The following NUDC variants were observed in gnomAD, a reference collection of about 807,000 sequenced individuals.
NUDC encodes the protein nuclear distribution C, dynein complex regulator.
In NUDC, 14 loss-of-function variants were observed where a neutral mutation model predicts 45.0. The ratio of observed to expected loss-of-function variants is 0.31; its 90% CI spans 0.21 to 0.49. The LOEUF is 0.49. Ranked by LOEUF, NUDC falls within the 20% of genes least tolerant of loss-of-function variation. The probability of loss-of-function intolerance (pLI) is 0.99; values close to 1 mark genes in which losing one functional copy is unlikely to be tolerated. For synonymous variants in NUDC, 153 were observed against 156.7 expected (o/e 0.98, Z 0.17); for missense variants, 323 against 426.2 (o/e 0.76, Z 2.13).
chr1:26,927,033 T>C (rs1557673357), intron 2 of NUDC, among the ~76,000 whole-genome samples: 3 of 151,754 alleles, frequency 2.0e-5, no homozygotes, highest in African/African-American at 7.3e-5. Context: ...GTAGCCAAAA[T>C]AAAAAAAACA....
intron 2 of NUDC, among the ~76,000 whole-genome samples, chr1:26,903,112 A>G (rs1354873642): frequency 6.6e-6 from 1 of 152,010 alleles, no homozygotes; most frequent in Non-Finnish European, 1.5e-5. Flanking sequence ...TTTTTATTTC[A>G]CAGTATATAT....
chr1:26,913,919 C>T (rs368544283), intron 3 of NUDC: 4 of 1,480,062 alleles, frequency 2.7e-6, no homozygotes, highest in South Asian at 1.6e-5. Context: ...CATGGGCAGG[C>T]CCCTGGTTGG....
At chr1:26,933,045 G>C (rs2082196252) in intron 2 of NUDC, among the ~76,000 whole-genome samples, 1 of 151,710 alleles carries the variant, frequency 6.6e-6, no homozygotes, top group South Asian at 2.1e-4. Flanking sequence ...TTGGCTCACT[G>C]CAACCTCAGC....
At chr1:26,929,694 T>A (rs748380052) in intron 2 of NUDC, 1 of 445,628 alleles carries the variant, frequency 2.2e-6, no homozygotes, top group Admixed American at 2.3e-5. Flanking sequence ...GAGTAAATAT[T>A]ATGTGACTAT....
rs957514841 is a variant in NUDC, at chr1:26,942,803, C to T, written c.546+27C>T. On this transcript the variant is annotated intron_variant, in intron 5 of 8. Coordinates refer to ENST00000321265, the MANE Select transcript of NUDC (RefSeq NM_006600.4). ...TGAGTGTCAGGGACCAGAGGTAAAG[C>T]TTAGGGGGCCAGCCTGGGGTACCAG... 9.3e-6 allele frequency: 15 copies of T among 1,614,044 alleles called. No homozygotes were observed. The Admixed American group carries it at 1.3e-4, about 14-fold the overall frequency.
At chr1:26,905,137 CTATTATTAT>C (rs1298871467) in intron 2 of NUDC, among the ~76,000 whole-genome samples, 5 of 123,738 alleles carry the variant, frequency 4.0e-5, no homozygotes, top group East Asian at 2.4e-4. Context: ...TGAGCCTGGC[CTATTATTAT>C]TATTATTATT....
intron 2 of NUDC, among the ~76,000 whole-genome samples, chr1:26,904,696 C>T (rs550525864): frequency 2.0e-5 from 3 of 152,270 alleles, no homozygotes; most frequent in South Asian, 4.1e-4. Flanking sequence ...ACTGTGTAAC[C>T]TCGAGCACTT....
chr1:26,906,773 C>T (rs373526855), intron 2 of NUDC, among the ~76,000 whole-genome samples: 43 of 151,904 alleles, frequency 2.8e-4, no homozygotes, highest in African/African-American at 1.0e-3. Context: ...GGTGTGAACC[C>T]GGGAAGTGGA....
At chr1:26,923,431 C>G (rs1231605800) in intron 1 of NUDC, among the ~76,000 whole-genome samples, 1 of 152,194 alleles carries the variant, frequency 6.6e-6, no homozygotes, top group Non-Finnish European at 1.5e-5. Flanking sequence ...TTTGAAGTGG[C>G]TTCATTTGCT....
chr1:26,906,008 G>A (rs965283831), intron 2 of NUDC, among the ~76,000 whole-genome samples: 6 of 152,158 alleles, frequency 3.9e-5, no homozygotes, highest in African/African-American at 1.4e-4. Context: ...AAGGCCGAGC[G>A]CAGTGGCTCA....
intron 2 of NUDC, among the ~76,000 whole-genome samples, chr1:26,924,802 C>A (rs1326836291): frequency 2.6e-5 from 4 of 152,026 alleles, no homozygotes; most frequent in Non-Finnish European, 5.9e-5. Context: ...CCACCCGCCT[C>A]GGCCTCCCAA....
chr1:26,921,915 G>A lies in NUDC; in HGVS notation c.67G>A (p.Gly23Ser). Reference sequence around the variant, plus strand: ...GCTGGCCATGGCTCAGCAGCACGAGGGCGGCGTGCAGGAGGTAACGGCCCG... The same window carrying A: ...GCTGGCCATGGCTCAGCAGCACGAGAGCGGCGTGCAGGAGGTAACGGCCCG... ...MLLAMAQQHE[G>S]GVQELVNTFF... Residue 23 changes from glycine (G) to serine (S), a missense_variant, in exon 1 of 9, where the codon GGC becomes AGC. Physicochemically the swap from Gly to Ser is moderately conservative, Grantham distance 56. Coordinates refer to ENST00000321265, the MANE Select transcript of NUDC (RefSeq NM_006600.4). 1.9e-6 allele frequency: 3 copies of A among 1,552,920 alleles called. No individual in the cohort carries two copies. The highest frequency in any genetic ancestry group is 2.6e-6 in the Non-Finnish European group (3 of 1,147,862).
At chr1:26,905,657 CAG>C (rs976823620) in intron 2 of NUDC, among the ~76,000 whole-genome samples, 3 of 152,262 alleles carry the variant, frequency 2.0e-5, no homozygotes, top group South Asian at 2.1e-4. Context: ...CTCTGGTAAT[CAG>C]GGGTAATTTT....
intron 2 of NUDC, among the ~76,000 whole-genome samples, chr1:26,925,538 CAAAAAAAAAAAA>C (rs71010305): frequency 6.9e-5 from 3 of 43,360 alleles, no homozygotes; most frequent in South Asian, 8.6e-4. Context: ...GACTCCGTCT[CAAAAAAAAAAAA>C]AAAAAAAAAA....
chr1:26,906,888 T>C (rs2124055047), intron 2 of NUDC, among the ~76,000 whole-genome samples: 1 of 152,054 alleles, frequency 6.6e-6, no homozygotes, highest in East Asian at 1.9e-4. Context: ...AATAAATAAA[T>C]GTTAATGTGG....
At chr1:26,900,483 G>C in intron 1 of NUDC, 1 of 1,525,028 alleles carries the variant, frequency 6.6e-7, no homozygotes, top group Non-Finnish European at 9.0e-7. Context: ...AGTCTCGCGA[G>C]AACACCGCGA....
chr1:26,919,883 C>T (rs557261646), upstream of NUDC, among the ~76,000 whole-genome samples: 18 of 152,226 alleles, frequency 1.2e-4, no homozygotes, highest in South Asian at 4.1e-4. Flanking sequence ...ATGTATTTGA[C>T]GCTATGAAGA....
In NUDC at chr1:26,943,025, T is replaced by C; in HGVS notation, c.701T>C (p.Leu234Pro). The change falls in exon 6 of 9, where the codon CTC (leucine) becomes CCC (proline). Residue 234 changes from leucine (L) to proline (P), a missense_variant. Leu to Pro is a moderately conservative substitution (Grantham distance 98, BLOSUM62 -3). Around this residue, in one of 3 missense-constraint regions of NUDC, gnomAD observed 245 missense variants for 278.8 expected, o/e 0.88. Coordinates refer to ENST00000321265, the MANE Select transcript of NUDC (RefSeq NM_006600.4). Reference sequence around the variant, plus strand: ...GTGAAGGTGGAGGAGAGCTCGTGGCTCATTGAGGACGGCAAGGTGGTGACT... The same window carrying C: ...GTGAAGGTGGAGGAGAGCTCGTGGCCCATTGAGGACGGCAAGGTGGTGACT... ...NEVKVEESSW[L>P]IEDGKVVTVH... 6.2e-7 allele frequency: 1 copy of C among 1,614,132 alleles called. No homozygotes were observed.
intron 2 of NUDC, among the ~76,000 whole-genome samples, chr1:26,937,564 T>A (rs992327347): frequency 4.6e-5 from 7 of 151,938 alleles, no homozygotes; most frequent in African/African-American, 1.7e-4. Flanking sequence ...ATTACCGGTA[T>A]GAGCCACTGT....
Sources: gnomAD v4.1 joint callset for allele counts (sites outside exome capture counted in the v4.1 genomes callset) on GRCh38, gnomAD v4.1.1 for gene constraint, gnomAD v4.1.1 regional missense constraint, MANE v1.5 for transcripts, NCBI Gene and HGNC (gene_info 2026-07-23, HGNC 2026-07-21) for gene names.